ZNF341: variants seen among roughly 807,000 people sequenced by gnomAD.
ZNF341 encodes zinc finger protein 341.
A neutral mutation model predicts 87.7 loss-of-function variants in ZNF341; 52 were observed. The observed-to-expected ratio is 0.59, with a 90% CI of 0.47 to 0.75. The LOEUF (loss-of-function observed/expected upper bound fraction) is 0.75. Among genes scored for constraint, ZNF341 ranks in the 30% least tolerant of loss-of-function variants. The pLI is 0.00. For synonymous variants in ZNF341, 459 were observed against 472.7 expected (o/e 0.97, Z 0.38); for missense variants, 977 against 1,145.9 (o/e 0.85, Z 2.13).
chr20:33,773,649 C>T (rs2019570518), intron 10 of ZNF341, among the ~76,000 whole-genome samples: 1 of 152,164 alleles, frequency 6.6e-6, no homozygotes, highest in South Asian at 2.1e-4. Flanking sequence ...GGCTGAGGCT[C>T]TTAGACATGG....
At chr20:33,762,152 C>A in intron 8 of ZNF341, 97 bp downstream of exon 8, 2 of 1,114,596 alleles carry the variant, frequency 1.8e-6, no homozygotes, top group Middle Eastern at 2.3e-4. Context: ...AACCCCATGA[C>A]CTCTCTGGGC....
intron 7 of ZNF341, among the ~76,000 whole-genome samples, chr20:33,761,203 G>A (rs376551027): frequency 6.6e-6 from 1 of 152,214 alleles, no homozygotes; most frequent in Non-Finnish European, 1.5e-5. Flanking sequence ...ATGTTAAACT[G>A]TGGTACAAGT....
At chr20:33,773,855 C>G (rs1016551672) in intron 10 of ZNF341, among the ~76,000 whole-genome samples, 2 of 152,114 alleles carry the variant, frequency 1.3e-5, no homozygotes, top group Non-Finnish European at 2.9e-5. Flanking sequence ...AGTCCAAGCC[C>G]TGTCATTCTG....
intron 10 of ZNF341, 47 bp downstream of exon 10, chr20:33,770,339 C>CT: frequency 2.0e-6 from 1 of 500,128 alleles, no homozygotes; most frequent in South Asian, 1.6e-5. Context: ...GGTGGGTGGG[C>CT]AGGGAGCCCA....
chr20:33,745,292 A>T lies in ZNF341; in HGVS notation c.332A>T (p.Asn111Ile). The T allele has an allele frequency of 1.2e-6, 2 of 1,611,462 alleles. No individual in the cohort carries two copies. The highest frequency in any genetic ancestry group is 2.2e-5 in the East Asian group (1 of 44,786). The change falls in exon 3 of 15, where the codon AAT (asparagine) becomes ATT (isoleucine). Residue 111 changes from asparagine to isoleucine, a missense_variant. Asn to Ile is a moderately radical substitution (Grantham distance 149). Around this residue, in one of 3 missense-constraint regions of ZNF341, gnomAD observed 515 missense variants for 598.2 expected, o/e 0.86. Transcript: ENST00000375200. ...GTCCAGCAGGCCCCAACTCCTGCCA[A>T]TCGCCAGGTATTTGTTCATTTATTC... ...TAVQQAPTPANRQISTYITVP... is the reference protein window; with the variant it reads ...TAVQQAPTPAIRQISTYITVP...
At position 33,786,092 on chromosome 20, in the gene ZNF341, C is replaced by T. The variant is rs189366438; in HGVS notation, c.1852+2228C>T. Among the ~76,000 whole-genome samples the T allele has an allele frequency of 3.5e-3, 522 of 148,230 alleles. 5 individuals carry two copies. Among genetic ancestry groups the T allele is most frequent in the South Asian group, 8.0e-3 (38 of 4,722 alleles). On this transcript the variant is annotated intron_variant, in intron 12 of 14. Transcript: ENST00000375200. ...GATCTTGGTTCACTGCAACCTCTGC[C>T]GCCTGAGTTCAAGCAATTCTCCTGC...
chr20:33,766,126 C>G (rs184516449), intron 8 of ZNF341, among the ~76,000 whole-genome samples: 4 of 152,226 alleles, frequency 2.6e-5, no homozygotes, highest in Admixed American at 6.5e-5. Context: ...CTCAGGTGAT[C>G]TGCCCGCCTT....
chr20:33,752,505 A>G, intron 4 of ZNF341: 1 of 490,326 alleles, frequency 2.0e-6, no homozygotes, highest in Admixed American at 2.6e-5. Context: ...TGGCCGAATG[A>G]CCCTTTTTCT....
rs766576593 is a variant in ZNF341 at position 33,783,788 on chromosome 20, C to A, written c.1776C>A (p.Gly592=). Reference sequence around the variant, plus strand: ...ATCTGCCCACCCACGGCAGCGGGGGCAGGTTCAAGTGCCAAGTGTGCAAGA... The same window carrying A: ...ATCTGCCCACCCACGGCAGCGGGGGAAGGTTCAAGTGCCAAGTGTGCAAGA... ...RRHLPTHGSG[G]RFKCQVCKKF... is the part of the protein sequence containing the mutation. The change falls in exon 12 of 15, where the codon GGC becomes GGA. Residue 592 remains glycine, a synonymous_variant. Transcript: ENST00000375200. The A allele has an allele frequency of 1.2e-6, 2 of 1,613,664 alleles. No homozygotes were observed. Among genetic ancestry groups the A allele is most frequent in the Admixed American group, 1.7e-5 (1 of 59,972 alleles).
intron 5 of ZNF341, among the ~76,000 whole-genome samples, chr20:33,756,885 C>T (rs2019187667): frequency 1.3e-5 from 2 of 152,172 alleles, no homozygotes; most frequent in South Asian, 2.1e-4. Flanking sequence ...TAAAAAGATG[C>T]CTAAGGTCAC....
intron 7 of ZNF341, 127 bp downstream of exon 7, chr20:33,758,933 C>A: frequency 2.6e-6 from 2 of 774,598 alleles, no homozygotes; most frequent in South Asian, 1.6e-5. Flanking sequence ...CATGTTCAGG[C>A]TGTAGTCCAG....
chr20:33,734,465 A>T lies in ZNF341; in HGVS notation c.31+2413A>T, dbSNP rs1415712306. On this transcript the variant is annotated intron_variant, in intron 1 of 14. Coordinates refer to ENST00000375200, the MANE Select transcript of ZNF341 (RefSeq NM_001282933.2). ...TTGTACAGCAGAGAACTGGGCTGGT[A>T]AACAACTGTGGGGATGGAAAGACAG... Among the ~76,000 whole-genome samples, 6 of 152,166 alleles carry T rather than the reference A, an allele frequency of 3.9e-5. No homozygotes were observed. The South Asian group carries it at 1.2e-3, about 32-fold the overall frequency.
intron 10 of ZNF341, among the ~76,000 whole-genome samples, chr20:33,773,775 A>G (rs888873441): frequency 3.3e-5 from 5 of 152,252 alleles, no homozygotes; most frequent in Admixed American, 2.0e-4. Flanking sequence ...AGTGACTTAT[A>G]CACCATGAGA....
Position 33,791,523 on chromosome 20 carries a change from C to G in ZNF341, c.*6C>G. On this transcript the variant is annotated 3_prime_UTR_variant, in exon 15 of 15. Coordinates refer to ENST00000375200, the MANE Select transcript of ZNF341 (RefSeq NM_001282933.2). ...ACATCCAGGCCTCCGAGTGACGGACCTGAGGTGTCTGTTTCCTGGGCAGGC... is the reference window on the plus strand; with the variant it reads ...ACATCCAGGCCTCCGAGTGACGGACGTGAGGTGTCTGTTTCCTGGGCAGGC... The G allele has an allele frequency of 6.5e-7, 1 of 1,538,038 alleles. No individual in the cohort carries two copies. Among genetic ancestry groups the G allele is most frequent in the Non-Finnish European group, 8.7e-7 (1 of 1,145,518 alleles).
chr20:33,790,826 G>C (rs1033126451), intron 14 of ZNF341, among the ~76,000 whole-genome samples, 162 bp from the exon 15 acceptor site: 2 of 152,194 alleles, frequency 1.3e-5, no homozygotes, highest in Non-Finnish European at 2.9e-5. Flanking sequence ...TGTGGCTGGC[G>C]CAGAGAGTGG....
Position 33,753,176 on chromosome 20 carries a change from G to C in ZNF341, c.494G>C (p.Ser165Thr). 3 of 1,612,074 alleles carry C rather than the reference G, an allele frequency of 1.9e-6. No individual in the cohort carries two copies. The highest frequency in any genetic ancestry group is 2.5e-6 in the Non-Finnish European group (3 of 1,180,020). Residue 165 changes from serine (S) to threonine (T), a missense_variant, in exon 5 of 15, where the codon AGC becomes ACC. Ser to Thr is a moderately conservative substitution (Grantham distance 58). Transcript: ENST00000375200. The stretch of plus-strand genomic sequence containing the variant: ...CTTTTTCTTTTCTGATTTCAGAGCA[G>C]CCTGAACATGCATTCCGTGCCCAGC... ...MPQGPPPVQS[S>T]LNMHSVPSYL...
chr20:33,756,850 G>A (rs6088295), intron 5 of ZNF341, among the ~76,000 whole-genome samples: 17,861 of 152,168 alleles, frequency 0.12, 1,230 homozygotes, highest in African/African-American at 0.2. Context: ...CCATTTTACA[G>A]ATGTGGAAAC....
chr20:33,760,163 G>C (rs1036033267), intron 7 of ZNF341, among the ~76,000 whole-genome samples: 7 of 152,214 alleles, frequency 4.6e-5, no homozygotes, highest in Admixed American at 1.3e-4. Flanking sequence ...AGCACTTTGG[G>C]AGGCTGAGGT....
At chr20:33,738,272 C>T (rs929239599) in intron 1 of ZNF341, among the ~76,000 whole-genome samples, 3 of 151,928 alleles carry the variant, frequency 2.0e-5, no homozygotes, top group Non-Finnish European at 4.4e-5. Flanking sequence ...GATTCTATCT[C>T]AAAATAATAA....
Sources: allele counts gnomAD v4.1 joint callset (sites outside exome capture counted in the v4.1 genomes callset), GRCh38; gene constraint gnomAD v4.1.1; regional missense constraint gnomAD v4.1.1; transcripts MANE v1.5; gene names NCBI Gene and HGNC (gene_info 2026-07-23, HGNC 2026-07-21).